Variants in NIN observed in about 807,000 individuals in gnomAD.
NIN encodes the protein ninein, also known as glycogen synthase kinase 3 beta-interacting protein.
In NIN, 137 loss-of-function variants were observed where a neutral mutation model predicts 257.6. That is an observed-to-expected ratio of 0.53 (90% CI 0.46 to 0.61). NIN has a LOEUF of 0.61. NIN is among the 20% of genes least tolerant of loss of function. The pLI, the probability that NIN is intolerant of heterozygous loss-of-function variation, is 0.00. For missense variants in NIN, 2,439 were observed against 2,501.2 expected (o/e 0.98, Z 0.53); for synonymous variants, 918 against 919.8 (o/e 1.00, Z 0.04).
At chr14:50,763,455 T>A (rs974460898) in intron 15 of NIN, among the ~76,000 whole-genome samples, 12 of 152,232 alleles carry the variant, frequency 7.9e-5, no homozygotes, top group African/African-American at 2.4e-4. Flanking sequence ...CATCTTCATA[T>A]GAGTTACACA....
intron 5 of NIN, 47 bp downstream of exon 5, chr14:50,792,665 G>C (rs918802891): frequency 8.1e-6 from 13 of 1,607,592 alleles, no homozygotes; most frequent in Non-Finnish European, 1.1e-5. Flanking sequence ...ACTGACGTGG[G>C]GCTCCACACT....
intron 30 of NIN, among the ~76,000 whole-genome samples, chr14:50,724,951 G>C: frequency 6.6e-6 from 1 of 152,146 alleles, no homozygotes; most frequent in South Asian, 2.1e-4. Flanking sequence ...CCTACCATTT[G>C]GCCAAACGCT....
Position 50,722,729 on chromosome 14 carries a change from C to A in NIN, c.*734G>T, listed in dbSNP as rs773386619. ...ACTGCTTTAATTATGTGGCTTTATC[C>A]GTTTCTTAGAAGACCAGCTCCCCAA... On this transcript the variant is annotated 3_prime_UTR_variant, in exon 31 of 31. Transcript: ENST00000530997. 1.9e-5 allele frequency: 4 copies of A among 214,572 alleles called. No homozygotes were observed. Among genetic ancestry groups the A allele is most frequent in the African/African-American group, 6.8e-5 (3 of 44,324 alleles). The allele number at this position is 214,572 out of a possible 1,614,324, so 13.3% of individuals were successfully genotyped here.
At chr14:50,745,500 C>A (rs1595749811) in intron 22 of NIN, among the ~76,000 whole-genome samples, 2 of 152,108 alleles carry the variant, frequency 1.3e-5, no homozygotes, top group East Asian at 1.9e-4. Context: ...ATTTTACGAC[C>A]ATCTTTCTAC....
At position 50,725,818 on chromosome 14, in the gene NIN, C is replaced by A. The variant is rs563362580; in HGVS notation, c.6192+135G>T. On this transcript the variant is annotated intron_variant, in intron 30 of 30. Transcript: ENST00000530997. Reference sequence around the variant, plus strand: ...TATGAGGGATAGCAAATCCTAAGTTCTTACAGACATTTATAATAGAATTTG... The same window carrying A: ...TATGAGGGATAGCAAATCCTAAGTTATTACAGACATTTATAATAGAATTTG... The A allele has an allele frequency of 2.6e-6, 4 of 1,514,004 alleles. No individual in the cohort carries two copies. In the African/African-American group the frequency reaches 4.2e-5, roughly 16 times the overall value. 93.8% of individuals were successfully genotyped at this position (1,514,004 alleles called of 1,614,324 possible).
chr14:50,753,174 C>A (rs960802410), intron 20 of NIN, among the ~76,000 whole-genome samples: 1 of 152,112 alleles, frequency 6.6e-6, no homozygotes, highest in Admixed American at 6.5e-5. Flanking sequence ...CCGAGACAGG[C>A]GGATCACCTG....
At position 50,756,982 on chromosome 14, in the gene NIN, C is replaced by G. The variant is rs748009693; in HGVS notation, c.4048G>C (p.Ala1350Pro). 4.3e-6 allele frequency: 7 copies of G among 1,612,778 alleles called. No individual in the cohort carries two copies. The East Asian group carries it at 1.3e-4, about 31-fold the overall frequency. Residue 1350 changes from alanine to proline, a missense_variant, in exon 18 of 31, where the codon GCC (alanine) becomes CCC (proline). Physicochemically the swap from Ala to Pro is conservative, Grantham distance 27 (BLOSUM62 -1). This residue lies in a region of NIN where 2,043 missense variants were observed against 2,050.2 expected (regional missense o/e 1.00). Coordinates refer to ENST00000530997, the MANE Select transcript of NIN (RefSeq NM_020921.4). ...TCGATTTCCAGGTTCTCTAAACTGG[C>G]TTCCCATAAGCAGCAGTCACACCGC... is the stretch of plus-strand genomic sequence containing the variant. ...VQRCDCCLWEASLENLEIEPD... is the reference protein window; with the variant it reads ...VQRCDCCLWEPSLENLEIEPD...
chr14:50,721,623 A>G lies in NIN; in HGVS notation c.*1840T>C, dbSNP rs10140023. The G allele has an allele frequency of 0.53, 114,181 of 217,014 alleles. 30,692 individuals are homozygous for G. The highest frequency in any genetic ancestry group is 0.61 in the African/African-American group (27,083 of 44,560). 13.4% of individuals were successfully genotyped at this position (217,014 alleles called of 1,614,324 possible). Reference sequence around the variant, plus strand: ...AACACTTACTAGAAATGTCTGCACCACAGAAGAAAGATCTAAAGAAGGCAT... The same window carrying G: ...AACACTTACTAGAAATGTCTGCACCGCAGAAGAAAGATCTAAAGAAGGCAT... On this transcript the variant is annotated 3_prime_UTR_variant, in exon 31 of 31. Transcript: ENST00000530997.
Position 50,757,115 on chromosome 14 carries a change from G to A in NIN, c.3915C>T (p.Leu1305=), listed in dbSNP as rs758724780. ...CCTCATCGTAACTCTTTTCCAGGCTGAGGAATGTTTCAGTGACTTCCTCCA... is the reference window on the plus strand; with the variant it reads ...CCTCATCGTAACTCTTTTCCAGGCTAAGGAATGTTTCAGTGACTTCCTCCA... ...KKMEEVTETF[L]SLEKSYDEVK... Residue 1305 remains leucine, a synonymous_variant, in exon 18 of 31, where the codon CTC becomes CTT. Transcript: ENST00000530997. 5.6e-6 allele frequency: 9 copies of A among 1,612,894 alleles called. No homozygotes were observed. The African/African-American group carries it at 1.2e-4, about 22-fold the overall frequency.
intron 3 of NIN, among the ~76,000 whole-genome samples, chr14:50,811,963 A>G (rs1466991831): frequency 6.6e-6 from 1 of 151,854 alleles, no homozygotes; most frequent in East Asian, 1.9e-4. Flanking sequence ...CTCCAAAAAA[A>G]AAAAAAATGT....
intron 3 of NIN, among the ~76,000 whole-genome samples, chr14:50,808,250 G>T (rs1019040700): frequency 1.3e-5 from 2 of 152,120 alleles, no homozygotes; most frequent in Admixed American, 6.6e-5. Context: ...GGGGAGGGAG[G>T]GGCGGCCAGG....
chr14:50,806,559 A>G (rs1206498905), intron 4 of NIN, 178 bp downstream of exon 4: 2 of 494,758 alleles, frequency 4.0e-6, no homozygotes, highest in East Asian at 6.7e-5. Flanking sequence ...GTCTCATTTT[A>G]GTGTTCAACA....
intron 4 of NIN, among the ~76,000 whole-genome samples, chr14:50,803,190 A>G (rs1440682632): frequency 2.6e-5 from 4 of 152,176 alleles, no homozygotes; most frequent in Non-Finnish European, 5.9e-5. Flanking sequence ...CATCTCTGCT[A>G]AAAATACAAA....
intron 28 of NIN, chr14:50,731,011 CAA>C: frequency 8.5e-7 from 1 of 1,181,476 alleles, no homozygotes; most frequent in Non-Finnish European, 1.1e-6. Flanking sequence ...ACAGACAAGA[CAA>C]AAAGAAGAGA....
chr14:50,774,656 T>C (rs1018533503), intron 7 of NIN, among the ~76,000 whole-genome samples: 2 of 152,182 alleles, frequency 1.3e-5, no homozygotes, highest in Non-Finnish European at 2.9e-5. Flanking sequence ...CAAGTCCAGG[T>C]GTGTTGACTG....
At chr14:50,741,222 T>C (rs1224495826) in intron 25 of NIN, among the ~76,000 whole-genome samples, 1 of 152,234 alleles carries the variant, frequency 6.6e-6, no homozygotes, top group Non-Finnish European at 1.5e-5. Context: ...TTTAGTTTTG[T>C]TATTACAAAA....
intron 6 of NIN, 32 bp downstream of exon 6, chr14:50,778,733 T>C: frequency 1.2e-6 from 2 of 1,611,630 alleles, no homozygotes; most frequent in Non-Finnish European, 1.7e-6. Flanking sequence ...GCCCTTCCCT[T>C]CCAGGCACGT....
At chr14:50,804,605 C>G (rs532226850) in intron 4 of NIN, among the ~76,000 whole-genome samples, 2 of 152,276 alleles carry the variant, frequency 1.3e-5, no homozygotes, top group South Asian at 4.1e-4. Context: ...AGCAGTGAGG[C>G]AGACACATAA....
intron 4 of NIN, among the ~76,000 whole-genome samples, chr14:50,795,815 T>TATTAAATACAAA (rs150870586): frequency 2.7e-3 from 407 of 152,264 alleles, no homozygotes; most frequent in Non-Finnish European, 4.8e-3. Context: ...ACCTGGACTC[T>TATTAAATACAAA]ATTAAATACA....
Sources: allele counts gnomAD v4.1 joint callset (sites outside exome capture counted in the v4.1 genomes callset), GRCh38; gene constraint gnomAD v4.1.1; regional missense constraint gnomAD v4.1.1; transcripts MANE v1.5; gene names NCBI Gene and HGNC (gene_info 2026-07-23, HGNC 2026-07-21).